Variants in ARMC3 observed in about 807,000 individuals in gnomAD.
ARMC3 encodes armadillo repeat containing 3.
ARMC3 carries 74 observed loss-of-function variants against 90.3 expected under a neutral mutation model. The observed-to-expected ratio is 0.82, with a 90% CI of 0.68 to 0.99. ARMC3 has a LOEUF of 0.99. Among genes scored for constraint, ARMC3 ranks in the 50% least tolerant of loss-of-function variants. The pLI is 0.00. For synonymous variants in ARMC3, 334 were observed against 361.8 expected, an observed-to-expected ratio of 0.92 and a Z score of 0.87; for missense variants, 958 against 1,042.8, an observed-to-expected ratio of 0.92 and a Z score of 1.12.
rs767900766 is a variant in ARMC3 at position 22,998,364 on chromosome 10, C to T, written c.1392C>T (p.Thr464=). Residue 464 remains threonine, a synonymous_variant, in exon 11 of 19, where the codon ACC becomes ACT. Coordinates refer to ENST00000298032, the MANE Select transcript of ARMC3 (RefSeq NM_173081.5). ...VVQSKAALAV[T]ATACDVEART... ...AGAGCAAAGCTGCTCTCGCTGTCAC[C>T]GCAACTGCGTGTGACGTTGAAGCCC... The T allele has an allele frequency of 3.7e-6, 6 of 1,614,074 alleles. No individual in the cohort carries two copies. The Admixed American group carries it at 5.0e-5, about 13-fold the overall frequency.
intron 16 of ARMC3, among the ~76,000 whole-genome samples, chr10:23,019,654 G>T (rs1838427289): frequency 6.6e-6 from 1 of 151,958 alleles, no homozygotes; most frequent in African/African-American, 2.4e-5. Context: ...CAACCTCCTG[G>T]ACTCAAGTGA....
At chr10:23,004,478 C>T (rs943179683) in intron 13 of ARMC3, among the ~76,000 whole-genome samples, 4 of 151,658 alleles carry the variant, frequency 2.6e-5, no homozygotes, top group Admixed American at 6.6e-5. Context: ...CTAAAGATGG[C>T]AGAGCTCAGA....
At chr10:22,974,254 A>C (rs1022075242) in intron 8 of ARMC3, among the ~76,000 whole-genome samples, 4 of 152,210 alleles carry the variant, frequency 2.6e-5, no homozygotes, top group African/African-American at 9.7e-5. Flanking sequence ...CAAATGAAGG[A>C]ACTACTTTCA....
chr10:23,026,282 A>G (rs1838713581), intron 16 of ARMC3, among the ~76,000 whole-genome samples: 1 of 152,096 alleles, frequency 6.6e-6, no homozygotes, highest in Non-Finnish European at 1.5e-5. Context: ...AGACAAGGAC[A>G]TTACAAGAAA....
chr10:22,955,574 G>A (rs895256645), intron 3 of ARMC3, among the ~76,000 whole-genome samples: 5 of 152,196 alleles, frequency 3.3e-5, no homozygotes, highest in African/African-American at 7.2e-5. Context: ...CCAAGGAGGT[G>A]CAATGTGAGC....
intron 14 of ARMC3, among the ~76,000 whole-genome samples, chr10:23,007,431 G>C (rs946734708): frequency 6.6e-6 from 1 of 152,142 alleles, no homozygotes; most frequent in Admixed American, 6.5e-5. Context: ...ACCATGGCCG[G>C]GCACGGTGGC....
chr10:22,975,366 C>A (rs1835874738), intron 8 of ARMC3, among the ~76,000 whole-genome samples: 1 of 152,074 alleles, frequency 6.6e-6, no homozygotes, highest in Admixed American at 6.5e-5. Context: ...GCCAGCCTGG[C>A]CAACATGGTG....
intron 1 of ARMC3, 97 bp downstream of exon 1, chr10:22,928,203 C>G (rs1462336233): frequency 6.6e-6 from 1 of 152,500 alleles, no homozygotes. Context: ...CTGCTTGGGT[C>G]AGTGAGGCAA....
rs548060736 is a variant in ARMC3 at position 23,010,564 on chromosome 10, C to G, written c.2045+1633C>G. Among the ~76,000 whole-genome samples the G allele has an allele frequency of 9.9e-4, 128 of 129,278 alleles. 3 individuals carry two copies. The highest frequency in any genetic ancestry group is 3.6e-3 in the African/African-American group (121 of 33,850). 84.8% of individuals were successfully genotyped at this position (129,278 alleles called of 152,430 possible). ...TCCCTGTTCTCTTCTTTTCCCTTCCCTTCTCTCCCCTCTCTTTCCCTTCCC... is the reference window on the plus strand; with the variant it reads ...TCCCTGTTCTCTTCTTTTCCCTTCCGTTCTCTCCCCTCTCTTTCCCTTCCC... On this transcript the variant is annotated intron_variant, in intron 16 of 18. Coordinates refer to ENST00000298032, the MANE Select transcript of ARMC3 (RefSeq NM_173081.5).
At chr10:22,958,796 A>T (rs1835064066) in intron 4 of ARMC3, among the ~76,000 whole-genome samples, 1 of 152,162 alleles carries the variant, frequency 6.6e-6, no homozygotes, top group African/African-American at 2.4e-5. Flanking sequence ...ATCTCAGCTC[A>T]CTGCAACCTC....
At chr10:22,954,587 G>A (rs1429531983) in intron 3 of ARMC3, among the ~76,000 whole-genome samples, 3 of 150,662 alleles carry the variant, frequency 2.0e-5, no homozygotes, top group South Asian at 2.1e-4. Context: ...TGAGAGAATC[G>A]CTTGAGCCGA....
At chr10:22,987,426 G>T (rs1836500827) in intron 10 of ARMC3, among the ~76,000 whole-genome samples, 1 of 152,158 alleles carries the variant, frequency 6.6e-6, no homozygotes, top group South Asian at 2.1e-4. Context: ...CTTCCCTTTG[G>T]CAATGCTAAC....
At chr10:22,945,530 G>C (rs12251398) in intron 2 of ARMC3, among the ~76,000 whole-genome samples, 3,683 of 152,086 alleles carry the variant, frequency 0.024, 142 homozygotes, top group African/African-American at 0.084. Flanking sequence ...CCCTGTTCCA[G>C]GTTTTATTCA....
intron 18 of ARMC3, among the ~76,000 whole-genome samples, chr10:23,034,093 T>C (rs1215339472): frequency 6.6e-6 from 1 of 152,204 alleles, no homozygotes; most frequent in African/African-American, 2.4e-5. Flanking sequence ...GCGAATTCTA[T>C]TATCTTTCCT....
At chr10:22,986,897 A>G (rs1024068360) in intron 10 of ARMC3, among the ~76,000 whole-genome samples, 1 of 152,226 alleles carries the variant, frequency 6.6e-6, no homozygotes, top group Non-Finnish European at 1.5e-5. Context: ...AAGGCATAGT[A>G]AAAGGGGACA....
chr10:22,959,164 T>C, intron 5 of ARMC3, 26 bp downstream of exon 5: 1 of 1,586,692 alleles, frequency 6.3e-7, no homozygotes. Flanking sequence ...ATATCTGTTT[T>C]AAAAAATGGA....
At chr10:23,005,286 C>T (rs1007153194) in intron 13 of ARMC3, among the ~76,000 whole-genome samples, 7 of 148,080 alleles carry the variant, frequency 4.7e-5, no homozygotes, top group Non-Finnish European at 7.4e-5. Context: ...AGCCGAAAAA[C>T]GATCGCAGAA....
At chr10:22,934,590 C>A (rs752164614) in intron 2 of ARMC3, among the ~76,000 whole-genome samples, 1 of 152,076 alleles carries the variant, frequency 6.6e-6, no homozygotes, top group African/African-American at 2.4e-5. Context: ...CTAAGAGTAC[C>A]GGTTCTGGGG....
chr10:23,008,288 A>G lies in ARMC3; in HGVS notation c.1842A>G (p.Ser614=), dbSNP rs751714943. ...TGTAAAATTTTAGTTCTCCACCTTC[A>G]TCTATGGAAGATAAATCAGATGTTG... ...INSKSYVSPP[S]SMEDKSDVGY... The change falls in exon 15 of 19, where the codon TCA becomes TCG. Residue 614 remains serine, a synonymous_variant. Transcript: ENST00000298032. 5.9e-6 allele frequency: 9 copies of G among 1,526,896 alleles called. No homozygotes were observed. The South Asian group carries it at 6.1e-5, about 10-fold the overall frequency. 94.6% of individuals were successfully genotyped at this position (1,526,896 alleles called of 1,614,324 possible).
Sources: gnomAD v4.1 joint callset for allele counts (sites outside exome capture counted in the v4.1 genomes callset) on GRCh38, gnomAD v4.1.1 for gene constraint, MANE v1.5 for transcripts, NCBI Gene and HGNC (gene_info 2026-07-23, HGNC 2026-07-21) for gene names.